CAMTA1: variants seen among roughly 807,000 people sequenced by gnomAD.
CAMTA1 encodes the protein calmodulin binding transcription activator 1.
A neutral mutation model predicts 170.9 loss-of-function variants in CAMTA1; 27 were observed. The ratio of observed to expected loss-of-function variants is 0.16; its 90% CI spans 0.12 to 0.22. CAMTA1 has a LOEUF of 0.22. Ranked by LOEUF, CAMTA1 falls within the 10% of genes least tolerant of loss-of-function variation. The pLI, the probability that CAMTA1 is intolerant of heterozygous loss-of-function variation, is 1.00. For missense variants in CAMTA1, 1,619 were observed against 2,217.2 expected, an observed-to-expected ratio of 0.73 and a Z score of 5.42; for synonymous variants, 833 against 891.5, an observed-to-expected ratio of 0.93 and a Z score of 1.17.
chr1:6,938,094 C>T (rs1047886938), intron 3 of CAMTA1, among the ~76,000 whole-genome samples: 1 of 152,224 alleles, frequency 6.6e-6, no homozygotes, highest in Non-Finnish European at 1.5e-5. Context: ...AGTCCACTCT[C>T]ATAGCCATAC....
intron 5 of CAMTA1, among the ~76,000 whole-genome samples, chr1:7,338,756 G>T (rs1325775737): frequency 1.3e-5 from 2 of 152,230 alleles, no homozygotes; most frequent in Non-Finnish European, 2.9e-5. Context: ...ACCAAAACAT[G>T]CACTTAACGG....
intron 3 of CAMTA1, among the ~76,000 whole-genome samples, chr1:7,015,103 G>C (rs936163731): frequency 8.5e-5 from 13 of 152,178 alleles, no homozygotes; most frequent in African/African-American, 3.1e-4. Flanking sequence ...GCCCTGGTTT[G>C]CTGGATGGAC....
intron 5 of CAMTA1, among the ~76,000 whole-genome samples, chr1:7,391,055 T>A (rs1371930099): frequency 1.3e-5 from 2 of 151,774 alleles, no homozygotes; most frequent in Non-Finnish European, 2.9e-5. Context: ...TGGAGTGCAG[T>A]GACGCGATCT....
rs758380513 is a variant in CAMTA1 at position 7,663,958 on chromosome 1, G to A, written c.1411G>A (p.Asp471Asn). ...SEELVLSTTL[D>N]GGRKIPETTM... Reference sequence around the variant, plus strand: ...AGAGCTGGTCCTCTCCACCACCCTCGACGGTGGCCGGAAGATTCCAGAAAC... The same window carrying A: ...AGAGCTGGTCCTCTCCACCACCCTCAACGGTGGCCGGAAGATTCCAGAAAC... The change falls in exon 9 of 23, where the codon GAC becomes AAC. Residue 471 changes from aspartate to asparagine, a missense_variant. Around this residue, in one of 8 missense-constraint regions of CAMTA1, gnomAD observed 731 missense variants for 907.6 expected, o/e 0.81. Coordinates refer to ENST00000303635, the MANE Select transcript of CAMTA1 (RefSeq NM_015215.4). 3.2e-5 allele frequency: 52 copies of A among 1,613,626 alleles called. No homozygotes were observed. Among genetic ancestry groups the A allele is most frequent in the Admixed American group, 5.0e-5 (3 of 59,988 alleles).
intron 6 of CAMTA1, among the ~76,000 whole-genome samples, chr1:7,501,420 GA>G (rs2094003676): frequency 6.6e-6 from 1 of 152,178 alleles, no homozygotes; most frequent in Non-Finnish European, 1.5e-5. Context: ...GAGCCCGCTG[GA>G]GGGAGAATGC....
chr1:7,658,704 C>T (rs983244281), intron 7 of CAMTA1, among the ~76,000 whole-genome samples: 1 of 152,204 alleles, frequency 6.6e-6, no homozygotes, highest in Non-Finnish European at 1.5e-5. Flanking sequence ...CTTGCCTCCA[C>T]CAGGTCCTTT....
chr1:6,999,510 A>G (rs1025109616), intron 3 of CAMTA1, among the ~76,000 whole-genome samples: 1 of 152,086 alleles, frequency 6.6e-6, no homozygotes, highest in African/African-American at 2.4e-5. Flanking sequence ...CAGTCTCCCA[A>G]GTAGTTGGGA....
rs2092303189 is a variant in CAMTA1, at chr1:7,435,011, C to T, written c.439-32819C>T. On this transcript the variant is annotated intron_variant, in intron 5 of 22. Coordinates refer to ENST00000303635, the MANE Select transcript of CAMTA1 (RefSeq NM_015215.4). This position sits in a 1 kb window ranked among gnomAD's most constrained non-coding sequence, Gnocchi z 4.4. The stretch of plus-strand genomic sequence containing the variant: ...AGGCTGCAGTGAGCTGAGATCCCAC[C>T]ACTGCACTCCAGCCTGGGTGACAGC... 6.6e-6 allele frequency among the ~76,000 whole-genome samples: 1 copy of T among 152,054 alleles called. No individual in the cohort carries two copies. Among genetic ancestry groups the T allele is most frequent in the African/African-American group, 2.4e-5 (1 of 41,396 alleles).
intron 3 of CAMTA1, among the ~76,000 whole-genome samples, chr1:6,835,729 C>T (rs1652767215): frequency 6.6e-6 from 1 of 152,196 alleles, no homozygotes; most frequent in South Asian, 2.1e-4. Context: ...TTTTGGTGTG[C>T]TTTGGCTACA....
At chr1:7,181,531 T>C (rs921269468) in intron 4 of CAMTA1, among the ~76,000 whole-genome samples, 1 of 152,216 alleles carries the variant, frequency 6.6e-6, no homozygotes, top group African/African-American at 2.4e-5. Flanking sequence ...AAAATCATTA[T>C]GGTAGCAGGA....
intron 3 of CAMTA1, among the ~76,000 whole-genome samples, chr1:7,030,220 T>A (rs1702597905): frequency 6.6e-6 from 1 of 152,232 alleles, no homozygotes; most frequent in Non-Finnish European, 1.5e-5. Context: ...AATAGTATAT[T>A]TTTTTGTATA....
At chr1:7,341,797 T>G (rs960289338) in intron 5 of CAMTA1, among the ~76,000 whole-genome samples, 11 of 152,196 alleles carry the variant, frequency 7.2e-5, no homozygotes, top group African/African-American at 2.7e-4. Context: ...GTGACTGTCT[T>G]AGTCTCCATA....
Position 7,210,270 on chromosome 1 carries a change from T to C in CAMTA1, c.303-39221T>C, listed in dbSNP as rs186867198. On this transcript the variant is annotated intron_variant, in intron 4 of 22. Transcript: ENST00000303635. ...ATCAATCAATTCTTCAGTCTTTGTC[T>C]TTCATGACCTTGCCATTTTTGCAGC... Among the ~76,000 whole-genome samples, 26 of 152,370 alleles carry C rather than the reference T, an allele frequency of 1.7e-4. No homozygotes were observed. The South Asian group carries it at 2.1e-3, about 12-fold the overall frequency.
intron 1 of CAMTA1, among the ~76,000 whole-genome samples, chr1:6,789,033 G>A (rs1238833754): frequency 6.6e-6 from 1 of 152,058 alleles, no homozygotes; most frequent in Non-Finnish European, 1.5e-5. Context: ...CCAGTTTTTG[G>A]GACTAGGTTG....
chr1:7,494,948 C>T (rs75024805), intron 6 of CAMTA1, among the ~76,000 whole-genome samples: 4,519 of 152,266 alleles, frequency 0.03, 112 homozygotes, highest in African/African-American at 0.066. Context: ...CTGTTCTCTA[C>T]GCCCTCAGAC....
At chr1:6,842,419 C>A (rs1361135371) in intron 3 of CAMTA1, among the ~76,000 whole-genome samples, 1 of 152,222 alleles carries the variant, frequency 6.6e-6, no homozygotes, top group Non-Finnish European at 1.5e-5. Flanking sequence ...GTTAGACTCA[C>A]CAGGACAGAT....
rs143591277 is a variant in CAMTA1 at position 7,376,436 on chromosome 1, G to C, written c.439-91394G>C. Among the ~76,000 whole-genome samples, 41 of 152,318 alleles carry C rather than the reference G, an allele frequency of 2.7e-4. 1 individual carries two copies. The highest frequency in any genetic ancestry group is 9.1e-4 in the Admixed American group (14 of 15,304). On this transcript the variant is annotated intron_variant, in intron 5 of 22. Transcript: ENST00000303635. ...GCCACCACACATACACGTGAGCCAA[G>C]GTGTGCTGTCATCCTGGAGACCCTG...
At chr1:7,380,203 G>A (rs906149266) in intron 5 of CAMTA1, among the ~76,000 whole-genome samples, 1 of 152,152 alleles carries the variant, frequency 6.6e-6, no homozygotes, top group African/African-American at 2.4e-5. Flanking sequence ...GAGCCCATGG[G>A]GTTAGTTTTC....
chr1:7,521,129 G>T (rs1296340409), intron 6 of CAMTA1, among the ~76,000 whole-genome samples: 3 of 152,176 alleles, frequency 2.0e-5, no homozygotes, highest in Non-Finnish European at 2.9e-5. Flanking sequence ...CCTCTATTCT[G>T]AGACTGATCT....
Sources: gnomAD v4.1 joint callset for allele counts (sites outside exome capture counted in the v4.1 genomes callset) on GRCh38, gnomAD v4.1.1 for gene constraint, gnomAD v4.1.1 regional missense constraint, Gnocchi (gnomAD v3.1) non-coding constraint, MANE v1.5 for transcripts, NCBI Gene and HGNC (gene_info 2026-07-23, HGNC 2026-07-21) for gene names.